The following ADARB2 variants were observed in gnomAD, a reference collection of about 807,000 sequenced individuals.
ADARB2 encodes inactive double-stranded RNA-specific editase B2.
Under a neutral mutation model 62.2 loss-of-function variants are expected in ADARB2, and 25 were observed. The observed-to-expected ratio is 0.40, with a 90% CI of 0.29 to 0.56. The LOEUF is 0.56. ADARB2 is among the 20% of genes least tolerant of loss of function. The pLI, the probability that ADARB2 is intolerant of heterozygous loss-of-function variation, is 0.43. For missense variants in ADARB2, 1,071 were observed against 1,077.4 expected, an observed-to-expected ratio of 0.99 and a Z score of 0.08; for synonymous variants, 572 against 500.8, an observed-to-expected ratio of 1.14 and a Z score of -1.90.
At chr10:1,565,319 A>G (rs1834036601) in intron 1 of ADARB2, among the ~76,000 whole-genome samples, 1 of 152,220 alleles carries the variant, frequency 6.6e-6, no homozygotes, top group Non-Finnish European at 1.5e-5. Context: ...AGGAAAAATC[A>G]TTGCCTGCAA....
chr10:1,273,090 T>C (rs1170309575), intron 3 of ADARB2, among the ~76,000 whole-genome samples: 2 of 152,192 alleles, frequency 1.3e-5, no homozygotes, highest in Admixed American at 1.3e-4. Flanking sequence ...TAGGGCCCAC[T>C]TGGGCAATCC....
intron 3 of ADARB2, among the ~76,000 whole-genome samples, chr10:1,287,124 ACT>A (rs1306295626): frequency 6.6e-6 from 1 of 152,038 alleles, no homozygotes; most frequent in Non-Finnish European, 1.5e-5. Flanking sequence ...GTCTTGGCTA[ACT>A]CTCTGACTTT....
chr10:1,493,053 C>A (rs1831642480), intron 1 of ADARB2, among the ~76,000 whole-genome samples: 1 of 152,142 alleles, frequency 6.6e-6, no homozygotes, highest in Non-Finnish European at 1.5e-5. Flanking sequence ...TGTGACATGA[C>A]ATTTTCTGTT....
chr10:1,349,448 G>A (rs566186401), intron 3 of ADARB2, among the ~76,000 whole-genome samples: 3 of 152,138 alleles, frequency 2.0e-5, no homozygotes, highest in Non-Finnish European at 4.4e-5. Flanking sequence ...CAGATCAGGG[G>A]ACCTCCCTTA....
intron 1 of ADARB2, among the ~76,000 whole-genome samples, chr10:1,573,235 G>A (rs772096793): frequency 1.2e-4 from 19 of 152,316 alleles, no homozygotes; most frequent in Admixed American, 2.0e-4. Flanking sequence ...TGAGCCAGGG[G>A]ACCAGGGCTC....
At chr10:1,292,426 GACC>G (rs1831474825) in intron 3 of ADARB2, 1 of 152,216 alleles carries the variant, frequency 6.6e-6, no homozygotes, top group Admixed American at 6.5e-5. Context: ...AAAGGCTTGT[GACC>G]TGAGGCCCTT....
chr10:1,641,611 C>T (rs953046139), intron 1 of ADARB2, among the ~76,000 whole-genome samples: 4 of 152,152 alleles, frequency 2.6e-5, no homozygotes, highest in African/African-American at 9.7e-5. Flanking sequence ...GAGAGTGTGG[C>T]TGGGAGACTC....
chr10:1,565,360 A>G (rs1440659978), intron 1 of ADARB2, among the ~76,000 whole-genome samples: 2 of 152,176 alleles, frequency 1.3e-5, no homozygotes, highest in Non-Finnish European at 2.9e-5. Flanking sequence ...ATGAACCACT[A>G]TAAATACATG....
intron 3 of ADARB2, among the ~76,000 whole-genome samples, chr10:1,297,421 C>G (rs1831532906): frequency 6.6e-6 from 1 of 152,152 alleles, no homozygotes; most frequent in South Asian, 2.1e-4. Context: ...AGATTTTTAG[C>G]CGTTGAAATG....
At chr10:1,451,132 C>T (rs984959978) in intron 1 of ADARB2, among the ~76,000 whole-genome samples, 1 of 152,196 alleles carries the variant, frequency 6.6e-6, no homozygotes, top group Non-Finnish European at 1.5e-5. Flanking sequence ...CCTGGTCTGC[C>T]CATCTTTGTG....
chr10:1,415,225 T>A (rs1483935729), intron 1 of ADARB2, among the ~76,000 whole-genome samples: 1 of 150,994 alleles, frequency 6.6e-6, no homozygotes, highest in African/African-American at 2.4e-5. Flanking sequence ...GATGGGTGGA[T>A]GGATGGGAAG....
At chr10:1,659,529 C>A (rs1453156164) in intron 1 of ADARB2, among the ~76,000 whole-genome samples, 1 of 152,258 alleles carries the variant, frequency 6.6e-6, no homozygotes, top group Non-Finnish European at 1.5e-5. Context: ...CACTGCCGGC[C>A]CCGGTCACTT....
intron 1 of ADARB2, among the ~76,000 whole-genome samples, chr10:1,404,996 C>T (rs570847373): frequency 6.6e-6 from 1 of 152,200 alleles, no homozygotes; most frequent in Non-Finnish European, 1.5e-5. Flanking sequence ...GTCGATGCCT[C>T]CTACATACAA....
intron 1 of ADARB2, among the ~76,000 whole-genome samples, chr10:1,666,039 G>A (rs577569900): frequency 4.6e-5 from 7 of 152,004 alleles, no homozygotes; most frequent in African/African-American, 1.7e-4. Flanking sequence ...TGGAAGGACC[G>A]GGCATGGAGG....
chr10:1,308,241 G>T (rs935577508), intron 3 of ADARB2, among the ~76,000 whole-genome samples: 2 of 152,040 alleles, frequency 1.3e-5, no homozygotes, highest in African/African-American at 4.8e-5. Flanking sequence ...GCCTTTTCCA[G>T]AATGTCCTGT....
intron 4 of ADARB2, among the ~76,000 whole-genome samples, chr10:1,270,021 C>T (rs1831245726): frequency 1.3e-5 from 2 of 152,196 alleles, no homozygotes; most frequent in African/African-American, 4.8e-5. Flanking sequence ...AGATCTTACC[C>T]AGCTACATTG....
intron 3 of ADARB2, among the ~76,000 whole-genome samples, chr10:1,304,081 A>G (rs1387422549): frequency 2.7e-5 from 4 of 150,902 alleles, no homozygotes; most frequent in African/African-American, 4.8e-5. Context: ...CAGACTGGCA[A>G]ATTGGATAAA....
chr10:1,301,673 C>T (rs1831574684), intron 3 of ADARB2, among the ~76,000 whole-genome samples: 1 of 152,170 alleles, frequency 6.6e-6, no homozygotes, highest in South Asian at 2.1e-4. Flanking sequence ...AAAGACCAGG[C>T]ATCCCTGAGA....
intron 4 of ADARB2, among the ~76,000 whole-genome samples, chr10:1,261,764 C>G (rs1361900798): frequency 6.7e-6 from 1 of 150,192 alleles, no homozygotes; most frequent in Non-Finnish European, 1.5e-5. Context: ...ACTAGAAATA[C>G]CATTTGACCC....
Sources: allele counts gnomAD v4.1 joint callset (sites outside exome capture counted in the v4.1 genomes callset), GRCh38; gene constraint gnomAD v4.1.1; transcripts MANE v1.5; gene names NCBI Gene and HGNC (gene_info 2026-07-23, HGNC 2026-07-21).